DNAJC15: variants seen among roughly 807,000 people sequenced by gnomAD.
DNAJC15 encodes the protein DnaJ heat shock protein family (Hsp40) member C15, also known as dnaJ homolog subfamily C member 15.
DNAJC15 carries 27 observed loss-of-function variants against 22.4 expected under a neutral mutation model. The observed-to-expected ratio is 1.20, with a 90% CI of 0.89 to 1.66. The LOEUF is 1.66. DNAJC15 is among the 40% of genes most tolerant of loss of function. The pLI, the probability that DNAJC15 is intolerant of heterozygous loss-of-function variation, is 0.00. For missense variants in DNAJC15, 208 were observed against 187.1 expected (o/e 1.11, Z -0.65); for synonymous variants, 79 against 63.2 (o/e 1.25, Z -1.19).
chr13:43,024,893 TAAAA>T (rs34398144), intron 1 of DNAJC15, among the ~76,000 whole-genome samples: 2 of 85,940 alleles, frequency 2.3e-5, no homozygotes, highest in African/African-American at 4.6e-5. Context: ...CCATCTCTGC[TAAAA>T]AAAAAAAAAA....
chr13:43,094,476 G>A (rs954460796), intron 5 of DNAJC15, among the ~76,000 whole-genome samples: 1 of 152,102 alleles, frequency 6.6e-6, no homozygotes, highest in Admixed American at 6.6e-5. Context: ...GAGAATCACC[G>A]CTCTAAGGGT....
At chr13:43,082,651 T>C (rs1033584627) in intron 4 of DNAJC15, among the ~76,000 whole-genome samples, 12 of 152,184 alleles carry the variant, frequency 7.9e-5, no homozygotes, top group Admixed American at 7.2e-4. Flanking sequence ...GTATGCATAA[T>C]GCGTTGTGGA....
rs1193229657 is a variant in DNAJC15, at chr13:43,087,672, T to G, written c.382+1834T>G. Among the ~76,000 whole-genome samples, 4 of 152,168 alleles carry G rather than the reference T, an allele frequency of 2.6e-5. No individual in the cohort carries two copies. In the East Asian group the frequency reaches 5.8e-4, roughly 22 times the overall value. The stretch of plus-strand genomic sequence containing the variant: ...GTGCTTCCGAATTCATGAATATGTT[T>G]CCCCACCCACCCCCAAGGAACTTTT... On this transcript the variant is annotated intron_variant, in intron 5 of 5. Coordinates refer to ENST00000379221, the MANE Select transcript of DNAJC15 (RefSeq NM_013238.3).
At chr13:43,083,825 G>C (rs892240705) in intron 4 of DNAJC15, among the ~76,000 whole-genome samples, 1 of 152,148 alleles carries the variant, frequency 6.6e-6, no homozygotes, top group Admixed American at 6.5e-5. Context: ...GTACCTACAA[G>C]CCAAAAAGTA....
At chr13:43,086,108 A>G (rs2040687015) in intron 5 of DNAJC15, among the ~76,000 whole-genome samples, 1 of 152,192 alleles carries the variant, frequency 6.6e-6, no homozygotes, top group South Asian at 2.1e-4. Flanking sequence ...ATCAAGAAAA[A>G]TCGAAAACAC....
intron 5 of DNAJC15, among the ~76,000 whole-genome samples, chr13:43,095,194 T>C (rs2040733873): frequency 6.6e-6 from 1 of 152,170 alleles, no homozygotes; most frequent in African/African-American, 2.4e-5. Context: ...TGAGAAATAA[T>C]GATGACCTAG....
At chr13:43,043,580 G>A (rs1210796866) in intron 1 of DNAJC15, among the ~76,000 whole-genome samples, 2 of 152,212 alleles carry the variant, frequency 1.3e-5, no homozygotes, top group Non-Finnish European at 2.9e-5. Context: ...CTATAGTGAA[G>A]ATTTAACTTT....
At chr13:43,070,932 T>C (rs1463603765) in intron 3 of DNAJC15, among the ~76,000 whole-genome samples, 1 of 152,152 alleles carries the variant, frequency 6.6e-6, no homozygotes, top group African/African-American at 2.4e-5. Context: ...GTCCGGGTGA[T>C]AGATGATGGT....
chr13:43,048,018 A>G (rs921764142), intron 1 of DNAJC15, among the ~76,000 whole-genome samples: 1 of 152,308 alleles, frequency 6.6e-6, no homozygotes, highest in South Asian at 2.1e-4. Flanking sequence ...TTTTGAAACC[A>G]TTCGATTTCA....
chr13:43,106,871 C>T (rs528765627), intron 5 of DNAJC15, among the ~76,000 whole-genome samples: 33 of 150,608 alleles, frequency 2.2e-4, no homozygotes, highest in Middle Eastern at 3.5e-3. Context: ...TTAGAAAATT[C>T]TCTGGTCAAA....
intron 5 of DNAJC15, among the ~76,000 whole-genome samples, chr13:43,089,669 A>G (rs2040705176): frequency 6.6e-6 from 1 of 152,232 alleles, no homozygotes. Flanking sequence ...GTATTATGAT[A>G]ATGAAATACT....
At chr13:43,030,120 G>A (rs12184859) in intron 1 of DNAJC15, among the ~76,000 whole-genome samples, 2,062 of 152,256 alleles carry the variant, frequency 0.014, 43 homozygotes, top group African/African-American at 0.046. Context: ...GACTTCTGAT[G>A]TGCTTTTTCA....
At chr13:43,051,634 GGT>G (rs57271276) in intron 1 of DNAJC15, among the ~76,000 whole-genome samples, 264 of 132,898 alleles carry the variant, frequency 2.0e-3, no homozygotes, top group African/African-American at 4.7e-3. Flanking sequence ...AGTACTTCAT[GGT>G]GTGTGTGTGT....
At position 43,102,300 on chromosome 13, in the gene DNAJC15, G is replaced by A. The variant is rs545843518; in HGVS notation, c.383-4878G>A. 1.8e-4 allele frequency among the ~76,000 whole-genome samples: 28 copies of A among 152,028 alleles called. No homozygotes were observed. The East Asian group carries it at 4.8e-3, about 26-fold the overall frequency. On this transcript the variant is annotated intron_variant, in intron 5 of 5. Coordinates refer to ENST00000379221, the MANE Select transcript of DNAJC15 (RefSeq NM_013238.3). The stretch of plus-strand genomic sequence containing the variant: ...TTATTTATTTTTTTCTTGCTGATTG[G>A]TTTGAGTTTCTTGTAGATTCTGTAT...
chr13:43,083,483 A>G (rs1467039089), intron 4 of DNAJC15, among the ~76,000 whole-genome samples: 2 of 152,140 alleles, frequency 1.3e-5, no homozygotes, highest in African/African-American at 2.4e-5. Context: ...CCTAATTTCT[A>G]TTTTAAGATA....
At chr13:43,096,565 T>C (rs1180893209) in intron 5 of DNAJC15, among the ~76,000 whole-genome samples, 1 of 152,194 alleles carries the variant, frequency 6.6e-6, no homozygotes, top group Non-Finnish European at 1.5e-5. Flanking sequence ...TACTGAGTAC[T>C]TAATGTAAGC....
intron 1 of DNAJC15, among the ~76,000 whole-genome samples, chr13:43,042,992 G>A (rs1009431117): frequency 6.6e-6 from 1 of 152,196 alleles, no homozygotes; most frequent in African/African-American, 2.4e-5. Flanking sequence ...AGCCTGTGAT[G>A]AGTTCAGGGG....
At position 43,107,173 on chromosome 13, in the gene DNAJC15, C is replaced by A; in HGVS notation, c.383-5C>A. The A allele has an allele frequency of 6.4e-7, 1 of 1,560,346 alleles. No individual in the cohort carries two copies. The highest frequency in any genetic ancestry group is 2.0e-5 in the Admixed American group (1 of 49,372). Reference sequence around the variant, plus strand: ...ATTTTAATTCATTTTTCTTTGTTCTCTCAGGTGGATCTCCTTACGTAGCAG... The same window carrying A: ...ATTTTAATTCATTTTTCTTTGTTCTATCAGGTGGATCTCCTTACGTAGCAG... On this transcript the variant is annotated splice_polypyrimidine_tract_variant and splice_region_variant and intron_variant, in intron 5 of 5. Transcript: ENST00000379221.
intron 5 of DNAJC15, among the ~76,000 whole-genome samples, chr13:43,090,235 A>G (rs779769005): frequency 6.6e-6 from 1 of 152,236 alleles, no homozygotes; most frequent in Non-Finnish European, 1.5e-5. Flanking sequence ...GGCTTCAGCT[A>G]GGCATCTGCC....
Sources: allele counts gnomAD v4.1 joint callset (sites outside exome capture counted in the v4.1 genomes callset), GRCh38; gene constraint gnomAD v4.1.1; transcripts MANE v1.5; gene names NCBI Gene and HGNC (gene_info 2026-07-23, HGNC 2026-07-21).